The following WSB1 variants were observed in gnomAD, a reference collection of about 807,000 sequenced individuals.
WSB1 encodes the protein WD repeat and SOCS box containing 1.
Under a neutral mutation model 50.2 loss-of-function variants are expected in WSB1, and 23 were observed. The ratio of observed to expected loss-of-function variants is 0.46; its 90% CI spans 0.33 to 0.65. The LOEUF is 0.65. WSB1 is among the 30% of genes least tolerant of loss of function. The pLI is 0.02. For synonymous variants in WSB1, 179 were observed against 172.0 expected (o/e 1.04, Z -0.32); for missense variants, 492 against 522.3 (o/e 0.94, Z 0.56).
chr17:27,303,611 A>G lies in WSB1; in HGVS notation c.454A>G (p.Ile152Val). 1 of 1,614,164 alleles carries G rather than the reference A, an allele frequency of 6.2e-7. No individual in the cohort carries two copies. Among genetic ancestry groups the G allele is most frequent in the Non-Finnish European group, 8.5e-7 (1 of 1,180,006 alleles). Residue 152 changes from isoleucine (I) to valine (V), a missense_variant, in exon 3 of 9, where the codon ATC becomes GTC. Physicochemically the swap from Ile to Val is conservative, Grantham distance 29 (BLOSUM62 3). Coordinates refer to ENST00000262394, the MANE Select transcript of WSB1 (RefSeq NM_015626.10). The part of the protein sequence containing the change: ...LLATGLNNGR[I>V]KIWDVYTGKL... The stretch of plus-strand genomic sequence containing the variant: ...TGCTACAGGGTTGAACAATGGGCGT[A>G]TCAAAATATGGGATGTATATACAGG...
chr17:27,309,043 G>A, intron 5 of WSB1, 57 bp from the exon 6 acceptor site: 1 of 1,486,422 alleles, frequency 6.7e-7, no homozygotes, highest in Non-Finnish European at 9.0e-7. Flanking sequence ...TATAAGATGT[G>A]CCATTTTGTC....
chr17:27,312,304 AC>A lies in WSB1; in HGVS notation c.1204del (p.Gln402LysfsTer27). On this transcript the variant is annotated frameshift_variant, in exon 9 of 9. Coordinates refer to ENST00000262394, the MANE Select transcript of WSB1 (RefSeq NM_015626.10). LOFTEE classifies it high-confidence loss of function. ...CRMSIRRVMP[T>X]QEVQELPIPS... is the part of the protein sequence containing the mutation. ...CATGTCAATCCGAAGAGTGATGCCC[AC>A]CCAAGAAGTTCAGGAGCTGCCGATT... 6.2e-7 allele frequency: 1 copy of A among 1,614,142 alleles called. No homozygotes were observed. The highest frequency in any genetic ancestry group is 8.5e-7 in the Non-Finnish European group (1 of 1,180,022).
intron 5 of WSB1, chr17:27,308,712 A>T: frequency 5.1e-6 from 5 of 987,096 alleles, no homozygotes; most frequent in Non-Finnish European, 6.0e-6. Flanking sequence ...ATATTTTTTT[A>T]AAAATCTGGT....
chr17:27,307,918 A>G, intron 5 of WSB1: 2 of 1,281,996 alleles, frequency 1.6e-6, no homozygotes, highest in Non-Finnish European at 2.0e-6. Context: ...GTACGTACAC[A>G]GGTGCTGGTC....
At chr17:27,309,682 A>G (rs2017593905) in intron 6 of WSB1, among the ~76,000 whole-genome samples, 1 of 151,966 alleles carries the variant, frequency 6.6e-6, no homozygotes, top group African/African-American at 2.4e-5. Context: ...TCCTGGGTTC[A>G]AGCAGTTCTC....
intron 3 of WSB1, 113 bp from the exon 4 acceptor site, chr17:27,304,667 A>G (rs3762809): frequency 0.43 from 443,333 of 1,031,272 alleles, 98,651 homozygotes; most frequent in African/African-American, 0.63. Flanking sequence ...AGCCAAGATT[A>G]CGCCATTGCA....
At chr17:27,310,231 C>CT in intron 7 of WSB1, 57 bp downstream of exon 7, 1 of 1,515,760 alleles carries the variant, frequency 6.6e-7, no homozygotes, top group Non-Finnish European at 9.1e-7. Context: ...ATTCTTAAGC[C>CT]TTAAAGCCTT....
intron 1 of WSB1, among the ~76,000 whole-genome samples, chr17:27,298,930 C>T (rs938519824): frequency 6.6e-6 from 1 of 151,912 alleles, no homozygotes; most frequent in Non-Finnish European, 1.5e-5. Flanking sequence ...GGGCATGTGC[C>T]CGTAGTCCCT....
rs1320986121 is a variant in WSB1 at position 27,315,010 on chromosome 17, G to A, written c.*2641G>A. On this transcript the variant is annotated 3_prime_UTR_variant, in exon 9 of 9. Coordinates refer to ENST00000262394, the MANE Select transcript of WSB1 (RefSeq NM_015626.10). ...GCTACATTCTGTGAGATGTTCACCT[G>A]TTTGCCACCTCTTCTCGTGAAAACC... 6.6e-6 allele frequency: 1 copy of A among 152,196 alleles called. No homozygotes were observed. Among genetic ancestry groups the A allele is most frequent in the African/African-American group, 2.4e-5 (1 of 41,426 alleles). 9.4% of individuals were successfully genotyped at this position (152,196 alleles called of 1,614,324 possible).
At position 27,315,311 on chromosome 17, in the gene WSB1, T is replaced by C. The variant is rs1329712824; in HGVS notation, c.*2942T>C. 6.6e-6 allele frequency: 1 copy of C among 152,224 alleles called. No homozygotes were observed. The highest frequency in any genetic ancestry group is 1.5e-5 in the Non-Finnish European group (1 of 68,044). The allele number at this position is 152,224 out of a possible 1,614,324, so 9.4% of individuals were successfully genotyped here. A position where few individuals can be genotyped will look rare whatever the true frequency, so the allele number is the denominator to read the frequency against. On this transcript the variant is annotated 3_prime_UTR_variant, in exon 9 of 9. Transcript: ENST00000262394. ...TTTAATTTTCTGTTTTAGAATCCCA[T>C]GGAGTACATGTGAACATAGGAAAAT...
chr17:27,301,762 T>C (rs1314471677), intron 1 of WSB1, 26 bp from the exon 2 acceptor site: 13 of 1,608,976 alleles, frequency 8.1e-6, no homozygotes, highest in Non-Finnish European at 1.1e-5. Context: ...ATATATGATA[T>C]CCAGTATTTT....
chr17:27,300,828 T>C (rs1404944770), intron 1 of WSB1, among the ~76,000 whole-genome samples: 1 of 152,010 alleles, frequency 6.6e-6, no homozygotes, highest in Non-Finnish European at 1.5e-5. Flanking sequence ...AAGCTGGGAT[T>C]ACAGACACAC....
chr17:27,309,045 CAT>C, intron 5 of WSB1, 53 bp from the exon 6 acceptor site: 1 of 1,480,938 alleles, frequency 6.8e-7, no homozygotes, highest in Non-Finnish European at 9.0e-7. Flanking sequence ...TAAGATGTGC[CAT>C]TTTGTCCTCT....
At chr17:27,311,672 C>G in intron 8 of WSB1, 56 bp downstream of exon 8, 2 of 1,215,908 alleles carry the variant, frequency 1.6e-6, no homozygotes, top group Non-Finnish European at 2.2e-6. Flanking sequence ...GATGTAGTCT[C>G]CCAGGCTGGA....
chr17:27,294,471 C>T, intron 1 of WSB1, 36 bp downstream of exon 1: 1 of 1,610,808 alleles, frequency 6.2e-7, no homozygotes, highest in Non-Finnish European at 8.5e-7. Flanking sequence ...GCATGAGGGC[C>T]GAGGAGAGGC....
intron 1 of WSB1, among the ~76,000 whole-genome samples, chr17:27,301,281 T>TA (rs757941178): frequency 6.6e-6 from 1 of 152,194 alleles, no homozygotes; most frequent in Non-Finnish European, 1.5e-5. Flanking sequence ...CTGAAAAGGG[T>TA]AAAAATACTT....
chr17:27,301,237 G>T (rs1196881131), intron 1 of WSB1, among the ~76,000 whole-genome samples: 2 of 152,134 alleles, frequency 1.3e-5, no homozygotes, highest in African/African-American at 4.8e-5. Flanking sequence ...GTCTCTTCTA[G>T]TTCTGAGGGT....
At position 27,310,045 on chromosome 17, in the gene WSB1, A is replaced by G; in HGVS notation, c.885-16A>G. The G allele has an allele frequency of 6.2e-7, 1 of 1,610,222 alleles. No homozygotes were observed. The highest frequency in any genetic ancestry group is 8.5e-7 in the Non-Finnish European group (1 of 1,176,564). On this transcript the variant is annotated splice_polypyrimidine_tract_variant and intron_variant, in intron 6 of 8. Coordinates refer to ENST00000262394, the MANE Select transcript of WSB1 (RefSeq NM_015626.10). Reference sequence around the variant, plus strand: ...GAAGTGACTGATATCCACTGAAAACATATATTTGACCTCAGGCACCTGTTT... The same window carrying G: ...GAAGTGACTGATATCCACTGAAAACGTATATTTGACCTCAGGCACCTGTTT...
At chr17:27,306,276 G>T (rs2017454287) in intron 4 of WSB1, among the ~76,000 whole-genome samples, 1 of 135,720 alleles carries the variant, frequency 7.4e-6, no homozygotes, top group Non-Finnish European at 1.5e-5. Context: ...GCAGCGGCGT[G>T]ATCTCCGCTC....
Sources: allele counts gnomAD v4.1 joint callset (sites outside exome capture counted in the v4.1 genomes callset), GRCh38; gene constraint gnomAD v4.1.1; transcripts MANE v1.5; gene names NCBI Gene and HGNC (gene_info 2026-07-23, HGNC 2026-07-21).